Variants in MMP26 observed in about 807,000 individuals in gnomAD.
The protein encoded by MMP26 is matrix metalloproteinase-26.
Under a neutral mutation model 31.0 loss-of-function variants are expected in MMP26, and 33 were observed. The observed-to-expected ratio is 1.06, with a 90% CI of 0.81 to 1.42. The LOEUF is 1.42. MMP26 is among the 40% of genes most tolerant of loss of function. The pLI, the probability that MMP26 is intolerant of heterozygous loss-of-function variation, is 0.00. For missense variants in MMP26, 347 were observed against 316.1 expected, an observed-to-expected ratio of 1.10 and a Z score of -0.74; for synonymous variants, 122 against 114.9, an observed-to-expected ratio of 1.06 and a Z score of -0.40.
At chr11:4,971,666 G>A (rs1349001349) in intron 2 of MMP26, among the ~76,000 whole-genome samples, 1 of 152,146 alleles carries the variant, frequency 6.6e-6, no homozygotes, top group Non-Finnish European at 1.5e-5. Flanking sequence ...TTGTGTTGCT[G>A]TAAAGGAAAA....
chr11:4,716,589 GA>G (rs1297303682), intron 1 of MMP26, among the ~76,000 whole-genome samples: 1 of 132,808 alleles, frequency 7.5e-6, no homozygotes, highest in Non-Finnish European at 1.6e-5. Context: ...TGTATGAATA[GA>G]AAAAATCTCT....
At chr11:4,915,628 G>C in intron 2 of MMP26, 1 of 1,611,818 alleles carries the variant, frequency 6.2e-7, no homozygotes, top group Non-Finnish European at 8.5e-7. Context: ...TAGCAGAAAC[G>C]CTGCTGCTGC....
chr11:4,868,869 G>C (rs1850274229), intron 2 of MMP26, among the ~76,000 whole-genome samples: 1 of 152,080 alleles, frequency 6.6e-6, no homozygotes, highest in African/African-American at 2.4e-5. Context: ...CCAAAACAGA[G>C]ATACAGACCA....
chr11:4,800,106 A>G (rs898388251), intron 2 of MMP26, among the ~76,000 whole-genome samples: 1 of 152,166 alleles, frequency 6.6e-6, no homozygotes, highest in African/African-American at 2.4e-5. Context: ...CCACAGGTCC[A>G]CTAGTCAGTG....
intron 2 of MMP26, among the ~76,000 whole-genome samples, chr11:4,940,453 T>A (rs972726991): frequency 1.3e-5 from 2 of 152,150 alleles, no homozygotes. Context: ...TAATGCAAAT[T>A]TTGTCAGACA....
intron 2 of MMP26, among the ~76,000 whole-genome samples, chr11:4,920,722 G>T (rs1347209283): frequency 2.0e-5 from 3 of 152,166 alleles, no homozygotes; most frequent in African/African-American, 4.8e-5. Flanking sequence ...AATAGGGAGA[G>T]AAATTGTGTT....
At chr11:4,924,485 G>T in intron 2 of MMP26, 2 of 794,104 alleles carry the variant, frequency 2.5e-6, no homozygotes, top group African/African-American at 1.7e-5. Flanking sequence ...CTGGGTGGGG[G>T]CTGATCTATT....
intron 2 of MMP26, among the ~76,000 whole-genome samples, chr11:4,916,798 A>T (rs1458932689): frequency 6.6e-6 from 1 of 152,230 alleles, no homozygotes; most frequent in African/African-American, 2.4e-5. Flanking sequence ...AATTCCCCAG[A>T]AGTCCAGGAA....
At chr11:4,727,538 G>A (rs1240908579) in intron 1 of MMP26, among the ~76,000 whole-genome samples, 1 of 152,184 alleles carries the variant, frequency 6.6e-6, no homozygotes, top group East Asian at 1.9e-4. Context: ...GGCTGGGCAC[G>A]GTGGCTCATG....
At chr11:4,846,648 C>T (rs1378157940) in intron 2 of MMP26, among the ~76,000 whole-genome samples, 2 of 152,022 alleles carry the variant, frequency 1.3e-5, no homozygotes, top group African/African-American at 4.8e-5. Flanking sequence ...ATGCCTGTAT[C>T]AAAACATCTC....
chr11:4,816,697 CTTTTTTTTT>C (rs747753151), intron 2 of MMP26, among the ~76,000 whole-genome samples: 1 of 79,390 alleles, frequency 1.3e-5, no homozygotes, highest in African/African-American at 5.5e-5. Context: ...TGGGTGCCTT[CTTTTTTTTT>C]TTTTTTTTTT....
intron 2 of MMP26, chr11:4,848,077 G>T: frequency 1.4e-6 from 1 of 697,950 alleles, no homozygotes; most frequent in Non-Finnish European, 2.3e-6. Context: ...TTGTAAGTTT[G>T]CATCAATATA....
chr11:4,758,069 A>G (rs777790529), intron 1 of MMP26, among the ~76,000 whole-genome samples: 9 of 152,212 alleles, frequency 5.9e-5, no homozygotes, highest in Admixed American at 1.3e-4. Context: ...TCATAACAAC[A>G]TTATTCCCAA....
At chr11:4,901,326 A>AT (rs1477900770) in intron 2 of MMP26, among the ~76,000 whole-genome samples, 6 of 151,184 alleles carry the variant, frequency 4.0e-5, no homozygotes, top group African/African-American at 1.2e-4. Flanking sequence ...CACCTGGCTA[A>AT]TTTTTTTGTA....
rs1443883628 is a variant in MMP26, at chr11:4,853,942, G to A, written c.-145+86601G>A. On this transcript the variant is annotated intron_variant, in intron 2 of 7. Transcript: ENST00000380390. ...AAAAAATTCTGCACTGTGATTTTGTGGAATTTATGCGTAAGTGCAGAGTTG... is the reference window on the plus strand; with the variant it reads ...AAAAAATTCTGCACTGTGATTTTGTAGAATTTATGCGTAAGTGCAGAGTTG... Among the ~76,000 whole-genome samples, 5 of 152,216 alleles carry A rather than the reference G, an allele frequency of 3.3e-5. No homozygotes were observed. In the South Asian group the frequency reaches 8.3e-4, roughly 25 times the overall value.
chr11:4,868,632 G>A (rs891181968), intron 2 of MMP26, among the ~76,000 whole-genome samples: 1 of 152,054 alleles, frequency 6.6e-6, no homozygotes, highest in Non-Finnish European at 1.5e-5. Flanking sequence ...CACGAAAATG[G>A]CCACACTGCC....
intron 2 of MMP26, among the ~76,000 whole-genome samples, chr11:4,916,251 CTGT>C (rs1346246759): frequency 6.6e-6 from 1 of 152,074 alleles, no homozygotes; most frequent in African/African-American, 2.4e-5. Context: ...AAGGCCACAG[CTGT>C]TGTTGGGGAC....
At chr11:4,885,442 A>G (rs1336932344) in intron 2 of MMP26, among the ~76,000 whole-genome samples, 1 of 152,136 alleles carries the variant, frequency 6.6e-6, no homozygotes, top group African/African-American at 2.4e-5. Flanking sequence ...AACAAACACA[A>G]ATACTTAACT....
intron 2 of MMP26, among the ~76,000 whole-genome samples, chr11:4,930,228 G>A (rs948969997): frequency 1.3e-5 from 2 of 151,932 alleles, no homozygotes; most frequent in Non-Finnish European, 2.9e-5. Flanking sequence ...AGTACTACTT[G>A]GTAAATCAGT....
Sources: allele counts gnomAD v4.1 joint callset (sites outside exome capture counted in the v4.1 genomes callset), GRCh38; gene constraint gnomAD v4.1.1; transcripts MANE v1.5; gene names NCBI Gene and HGNC (gene_info 2026-07-23, HGNC 2026-07-21).